Variants in SEC22A observed in about 807,000 individuals in gnomAD.
SEC22A encodes vesicle-trafficking protein SEC22a.
Under a neutral mutation model 35.3 loss-of-function variants are expected in SEC22A, and 22 were observed. The ratio of observed to expected loss-of-function variants is 0.62; its 90% CI spans 0.45 to 0.89. SEC22A has a LOEUF of 0.89. SEC22A is among the 40% of genes least tolerant of loss of function. The probability of loss-of-function intolerance (pLI) is 0.00; values close to 1 mark genes in which losing one functional copy is unlikely to be tolerated. For synonymous variants in SEC22A, 119 were observed against 129.5 expected, an observed-to-expected ratio of 0.92 and a Z score of 0.55; for missense variants, 354 against 362.5, an observed-to-expected ratio of 0.98 and a Z score of 0.19.
chr3:123,242,746 T>G (rs1326104187), intron 4 of SEC22A, among the ~76,000 whole-genome samples: 3 of 152,136 alleles, frequency 2.0e-5, no homozygotes, highest in Non-Finnish European at 4.4e-5. Flanking sequence ...TAATCTTAAT[T>G]GACAGATGAG....
intron 4 of SEC22A, among the ~76,000 whole-genome samples, chr3:123,231,460 G>GA: frequency 6.6e-6 from 1 of 152,160 alleles, no homozygotes; most frequent in East Asian, 1.9e-4. Context: ...TAAAAGGATA[G>GA]AAATAGTACA....
chr3:123,230,232 G>T (rs1459084431), intron 4 of SEC22A, among the ~76,000 whole-genome samples: 1 of 152,032 alleles, frequency 6.6e-6, no homozygotes, highest in Non-Finnish European at 1.5e-5. Context: ...ATGTCATTTG[G>T]GCCTATAACA....
intron 5 of SEC22A, among the ~76,000 whole-genome samples, chr3:123,253,438 G>T (rs1049860724): frequency 6.6e-6 from 1 of 151,620 alleles, no homozygotes; most frequent in Admixed American, 6.6e-5. Context: ...TGCTGGCCAG[G>T]CACGGTGGCT....
intron 4 of SEC22A, among the ~76,000 whole-genome samples, chr3:123,244,850 T>A (rs1396256050): frequency 6.6e-6 from 1 of 152,176 alleles, no homozygotes; most frequent in Non-Finnish European, 1.5e-5. Flanking sequence ...GAGGTCTAGA[T>A]GATTATGTAT....
At chr3:123,248,872 C>T (rs1937587763) in intron 5 of SEC22A, among the ~76,000 whole-genome samples, 1 of 152,140 alleles carries the variant, frequency 6.6e-6, no homozygotes, top group African/African-American at 2.4e-5. Flanking sequence ...AACATATTCC[C>T]CAGTACCAGC....
At chr3:123,251,887 T>C (rs143878968) in intron 5 of SEC22A, among the ~76,000 whole-genome samples, 22 of 152,324 alleles carry the variant, frequency 1.4e-4, no homozygotes, top group Middle Eastern at 3.4e-3. Context: ...GAGCACTATA[T>C]AGTGTTAGAA....
At chr3:123,229,618 C>CT (rs1348763108) in intron 4 of SEC22A, among the ~76,000 whole-genome samples, 5 of 152,142 alleles carry the variant, frequency 3.3e-5, no homozygotes, top group African/African-American at 1.2e-4. Context: ...AATCCCAACA[C>CT]TTTGGGAGGC....
intron 6 of SEC22A, among the ~76,000 whole-genome samples, chr3:123,260,131 CAAAAAAAAAAAAAAAAAAAAAAAAA>C (rs533386545): frequency 4.0e-5 from 2 of 49,774 alleles, no homozygotes; most frequent in South Asian, 1.0e-3. Flanking sequence ...GACTACATCT[CAAAAAAAAAAAAAAAAAAAAAAAAA>C]AAAAAAAAAA....
At position 123,215,714 on chromosome 3, in the gene SEC22A, C is replaced by G. The variant is rs376607825; in HGVS notation, c.182+6315C>G. ...ACCACAATCTTTTGGATTCAGGCAT[C>G]GCATTATTATCTGGTAAAAAATGGC... On this transcript the variant is annotated intron_variant, in intron 2 of 6. Transcript: ENST00000492595. 3.8e-4 allele frequency among the ~76,000 whole-genome samples: 58 copies of G among 152,256 alleles called. 1 individual carries two copies. Among genetic ancestry groups the G allele is most frequent in the East Asian group, 2.9e-3 (15 of 5,182 alleles).
At chr3:123,207,846 C>A (rs1216509496) in intron 1 of SEC22A, among the ~76,000 whole-genome samples, 1 of 152,076 alleles carries the variant, frequency 6.6e-6, no homozygotes, top group Non-Finnish European at 1.5e-5. Context: ...TAAAATAGGC[C>A]ATTAAGATTT....
At chr3:123,268,706 T>TA (rs1938079798) in intron 6 of SEC22A, among the ~76,000 whole-genome samples, 1 of 152,226 alleles carries the variant, frequency 6.6e-6, no homozygotes, top group South Asian at 2.1e-4. Flanking sequence ...TTAACATTGA[T>TA]ACAATATTAT....
chr3:123,210,200 A>G (rs1336461981), intron 2 of SEC22A, among the ~76,000 whole-genome samples: 2 of 152,216 alleles, frequency 1.3e-5, no homozygotes, highest in Non-Finnish European at 2.9e-5. Flanking sequence ...ACTGTGAAGA[A>G]TAAAGGAGGA....
intron 4 of SEC22A, among the ~76,000 whole-genome samples, chr3:123,235,084 G>C (rs897844140): frequency 4.0e-5 from 6 of 151,618 alleles, no homozygotes; most frequent in Non-Finnish European, 5.9e-5. Context: ...TTGGAGACAA[G>C]TTCTTACAAT....
intron 4 of SEC22A, among the ~76,000 whole-genome samples, chr3:123,233,063 G>T (rs1937348979): frequency 6.6e-6 from 1 of 152,162 alleles, no homozygotes; most frequent in Non-Finnish European, 1.5e-5. Context: ...CCAGGAGTTT[G>T]AGGCTGCAGT....
At chr3:123,211,846 TC>T (rs1284605452) in intron 2 of SEC22A, among the ~76,000 whole-genome samples, 1 of 151,836 alleles carries the variant, frequency 6.6e-6, no homozygotes, top group Non-Finnish European at 1.5e-5. Context: ...GGCAGGCAGA[TC>T]ACTTGAGCCC....
intron 2 of SEC22A, among the ~76,000 whole-genome samples, chr3:123,216,185 G>GA (rs920407922): frequency 2.2e-4 from 34 of 152,210 alleles, no homozygotes; most frequent in African/African-American, 7.9e-4. Context: ...GTTTCTGTGG[G>GA]AAAATGAGAT....
chr3:123,228,333 G>A (rs1937250380), intron 4 of SEC22A, among the ~76,000 whole-genome samples: 1 of 150,868 alleles, frequency 6.6e-6, no homozygotes, highest in African/African-American at 2.4e-5. Flanking sequence ...GGGAGGCCAA[G>A]GCGGGCGGAT....
Position 123,245,898 on chromosome 3 carries a change from G to A in SEC22A, c.542-1G>A. On this transcript the variant is annotated splice_acceptor_variant, in intron 4 of 6. Coordinates refer to ENST00000492595, the MANE Select transcript of SEC22A (RefSeq NM_012430.5). LOFTEE classifies it high-confidence loss of function. The stretch of plus-strand genomic sequence containing the variant: ...TTCTAACTATTTCTTTTATTTTCCA[G>A]CTCACCAGCGACTGGAACCAGCAAC... 1 of 1,558,938 alleles carries A rather than the reference G, an allele frequency of 6.4e-7. No homozygotes were observed. The highest frequency in any genetic ancestry group is 8.8e-7 in the Non-Finnish European group (1 of 1,132,428).
chr3:123,256,904 T>C (rs7625925), intron 5 of SEC22A, among the ~76,000 whole-genome samples: 37,385 of 151,448 alleles, frequency 0.25, 5,109 homozygotes, highest in African/African-American at 0.37. Flanking sequence ...GGACTACAGG[T>C]GCCCGCCACC....
Sources: gnomAD v4.1 joint callset for allele counts (sites outside exome capture counted in the v4.1 genomes callset) on GRCh38, gnomAD v4.1.1 for gene constraint, MANE v1.5 for transcripts, NCBI Gene and HGNC (gene_info 2026-07-23, HGNC 2026-07-21) for gene names.